The following CELF1 variants were observed in gnomAD, a reference collection of about 807,000 sequenced individuals.
The protein encoded by CELF1 is 50 kDa nuclear polyadenylated RNA-binding protein.
CELF1 carries 10 observed loss-of-function variants against 61.8 expected under a neutral mutation model. The observed-to-expected ratio is 0.16, with a 90% CI of 0.10 to 0.27. The LOEUF is 0.27. CELF1 is among the 10% of genes least tolerant of loss of function. The pLI, the probability that CELF1 is intolerant of heterozygous loss-of-function variation, is 1.00. For synonymous variants in CELF1, 236 were observed against 225.1 expected, an observed-to-expected ratio of 1.05 and a Z score of -0.43; for missense variants, 380 against 639.1, an observed-to-expected ratio of 0.59 and a Z score of 4.37.
At chr11:47,533,149 A>G (rs2096532059) in intron 1 of CELF1, among the ~76,000 whole-genome samples, 3 of 151,582 alleles carry the variant, frequency 2.0e-5, no homozygotes, top group Admixed American at 2.0e-4. Context: ...TTATTATTTC[A>G]GCAAGCTACC....
At chr11:47,486,862 A>AAT (rs1353824081) in intron 5 of CELF1, 64 bp from the exon 6 acceptor site, 2 of 1,193,578 alleles carry the variant, frequency 1.7e-6, no homozygotes, top group East Asian at 2.3e-5. Flanking sequence ...ATACATATGG[A>AAT]CTCTAAAATA....
intron 12 of CELF1, 133 bp downstream of exon 12, chr11:47,476,713 A>G (rs1596156257): frequency 2.8e-6 from 2 of 702,428 alleles, no homozygotes; most frequent in East Asian, 5.4e-5. Context: ...GGTGTGAGCC[A>G]CCACACCTGG....
At chr11:47,548,830 C>T (rs1239635143) in intron 1 of CELF1, among the ~76,000 whole-genome samples, 1 of 141,824 alleles carries the variant, frequency 7.1e-6, no homozygotes, top group Non-Finnish European at 1.5e-5. Flanking sequence ...CACACCACTG[C>T]ACTCCAGCCT....
chr11:47,537,545 C>A (rs138175400), intron 1 of CELF1, among the ~76,000 whole-genome samples: 2 of 152,166 alleles, frequency 1.3e-5, no homozygotes, highest in African/African-American at 4.8e-5. Context: ...CCACACCAGG[C>A]CTACAGTACA....
rs1381688841 is a variant in CELF1 at position 47,471,063 on chromosome 11, G to A, written c.*1167C>T. 6.6e-6 allele frequency: 1 copy of A among 152,244 alleles called. No homozygotes were observed. The highest frequency in any genetic ancestry group is 2.4e-5 in the African/African-American group (1 of 41,458). 9.4% of individuals were successfully genotyped at this position (152,244 alleles called of 1,614,324 possible). On this transcript the variant is annotated 3_prime_UTR_variant, in exon 15 of 15. Transcript: ENST00000687097. ...TACAGGAGGGGCCTGCCAGACCCCT[G>A]TGGGAATACTACATCTGGGACACCT...
intron 1 of CELF1, among the ~76,000 whole-genome samples, chr11:47,505,597 C>T (rs2094419551): frequency 6.8e-6 from 1 of 148,126 alleles, no homozygotes; most frequent in Non-Finnish European, 1.5e-5. Context: ...GAGCCGAGAT[C>T]GTGCCACTGT....
At chr11:47,494,541 G>GA in intron 3 of CELF1, 1 of 939,494 alleles carries the variant, frequency 1.1e-6, no homozygotes, top group Non-Finnish European at 1.3e-6. Context: ...CAAAATTCTT[G>GA]AACACTCTCT....
Position 47,515,578 on chromosome 11 carries a change from A to C in CELF1, c.-153-14646T>G, listed in dbSNP as rs142427630. On this transcript the variant is annotated intron_variant, in intron 1 of 14. Transcript: ENST00000687097. ...CACCATATGTTAGTACCATGTAGGCAGAATGTGACTAATTTTTTTCTCAAG... is the reference window on the plus strand; with the variant it reads ...CACCATATGTTAGTACCATGTAGGCCGAATGTGACTAATTTTTTTCTCAAG... Among the ~76,000 whole-genome samples the C allele has an allele frequency of 1.1e-4, 16 of 152,344 alleles. 1 individual carries two copies. The East Asian group carries it at 3.1e-3, about 29-fold the overall frequency.
rs151198715 is a variant in CELF1, at chr11:47,477,970, G to C, written c.845-545C>G. On this transcript the variant is annotated intron_variant, in intron 10 of 14. Transcript: ENST00000687097. ...GAGGAGAGAGGAAAAATCACTGAGT[G>C]AAAGACTTCCAAGTAGAGCCCAGAC... Among the ~76,000 whole-genome samples the C allele has an allele frequency of 2.0e-3, 300 of 152,152 alleles. 1 individual carries two copies. The highest frequency in any genetic ancestry group is 6.9e-3 in the African/African-American group (285 of 41,522).
rs11039256 is a variant in CELF1 at position 47,478,884 on chromosome 11, T to G, written c.837A>C (p.Pro279=). 2.3e-4 allele frequency: 376 copies of G among 1,612,206 alleles called. 11 individuals are homozygous for G. The East Asian group carries it at 2.5e-3, about 11-fold the overall frequency. Residue 279 remains proline, a synonymous_variant, in exon 10 of 15, where the codon CCA becomes CCC. Coordinates refer to ENST00000687097, the MANE Select transcript of CELF1 (RefSeq NM_001376376.1). The part of the protein sequence containing the change: ...GNLNTLSSLH[P]MGGLNAMQLQ... ...CAGCAGTGAAACACTTACCTCCCAT[T>G]GGGTGGAGGCTGCTCAGGGTGTTGA...
intron 1 of CELF1, among the ~76,000 whole-genome samples, chr11:47,533,712 A>C (rs2096550837): frequency 6.7e-6 from 1 of 150,252 alleles, no homozygotes; most frequent in Non-Finnish European, 1.5e-5. Context: ...TGGGAGGCTA[A>C]GGCAGAAGCA....
At chr11:47,491,980 A>G (rs1302681461) in intron 3 of CELF1, among the ~76,000 whole-genome samples, 1 of 152,108 alleles carries the variant, frequency 6.6e-6, no homozygotes, top group Non-Finnish European at 1.5e-5. Flanking sequence ...CAGGATTAAT[A>G]CGCCTTTTTC....
intron 1 of CELF1, among the ~76,000 whole-genome samples, chr11:47,517,598 T>C (rs1271221139): frequency 1.3e-5 from 2 of 152,064 alleles, no homozygotes; most frequent in East Asian, 1.9e-4. Context: ...ACAGTAGTTG[T>C]AGAGGTGGAA....
Position 47,472,361 on chromosome 11 carries a change from T to C in CELF1, c.1418-4A>G. On this transcript the variant is annotated splice_region_variant and splice_polypyrimidine_tract_variant and intron_variant, in intron 14 of 14. Transcript: ENST00000687097. ...GGATTGTCGTAACTTACAAAACCTG[T>C]GTGTCCAAGCAGAAACCTAGGTGAG... 3.7e-6 allele frequency: 6 copies of C among 1,613,624 alleles called. No homozygotes were observed. Among genetic ancestry groups the C allele is most frequent in the Non-Finnish European group, 4.2e-6 (5 of 1,179,580 alleles).
chr11:47,553,220 G>A, upstream of CELF1: 1 of 387,540 alleles, frequency 2.6e-6, no homozygotes, highest in Non-Finnish European at 4.6e-6. Flanking sequence ...GTATCACCGC[G>A]GCGCCGCCCG....
upstream of CELF1, among the ~76,000 whole-genome samples, chr11:47,556,951 G>A (rs532567994): frequency 1.4e-4 from 21 of 152,224 alleles, no homozygotes; most frequent in African/African-American, 4.6e-4. Flanking sequence ...CCATGCTGGA[G>A]TACAGTGGCA....
At chr11:47,554,957 C>T (rs2097201159), upstream of CELF1, among the ~76,000 whole-genome samples, 1 of 152,188 alleles carries the variant, frequency 6.6e-6, no homozygotes, top group African/African-American at 2.4e-5. Flanking sequence ...AGCCACTGCA[C>T]CCGGCCTCAC....
chr11:47,495,072 A>T (rs929681059), intron 3 of CELF1, among the ~76,000 whole-genome samples: 1 of 152,224 alleles, frequency 6.6e-6, no homozygotes, highest in Admixed American at 6.5e-5. Context: ...TATTTTCATC[A>T]TCACAGAATG....
At chr11:47,551,730 C>T (rs1271484614) in intron 1 of CELF1, among the ~76,000 whole-genome samples, 1 of 152,056 alleles carries the variant, frequency 6.6e-6, no homozygotes, top group South Asian at 2.1e-4. Context: ...GGTGAAGTTC[C>T]GGGCGGGGGC....
Sources: allele counts gnomAD v4.1 joint callset (sites outside exome capture counted in the v4.1 genomes callset), GRCh38; gene constraint gnomAD v4.1.1; transcripts MANE v1.5; gene names NCBI Gene and HGNC (gene_info 2026-07-23, HGNC 2026-07-21).